The following AMPH variants were observed in gnomAD, a reference collection of about 807,000 sequenced individuals.
The protein encoded by AMPH is amphiphysin.
Under a neutral mutation model 99.1 loss-of-function variants are expected in AMPH, and 49 were observed. That is an observed-to-expected ratio of 0.49 (90% CI 0.39 to 0.63). AMPH has a LOEUF of 0.63. Among genes scored for constraint, AMPH ranks in the 20% least tolerant of loss-of-function variants. The pLI is 0.00. For synonymous variants in AMPH, 314 were observed against 317.3 expected, an observed-to-expected ratio of 0.99 and a Z score of 0.11; for missense variants, 759 against 863.4, an observed-to-expected ratio of 0.88 and a Z score of 1.52.
intron 5 of AMPH, among the ~76,000 whole-genome samples, chr7:38,477,321 A>G (rs6967094): frequency 0.049 from 7,498 of 152,180 alleles, 421 homozygotes; most frequent in East Asian, 0.29. Flanking sequence ...TAAATGTTCT[A>G]TTCTGAAGAT....
intron 2 of AMPH, among the ~76,000 whole-genome samples, chr7:38,511,580 A>G (rs1009356400): frequency 6.6e-6 from 1 of 152,216 alleles, no homozygotes; most frequent in Admixed American, 6.5e-5. Flanking sequence ...CATGAATACT[A>G]AAGGAAAAAA....
chr7:38,513,683 A>G lies in AMPH; in HGVS notation c.151-9979T>C, dbSNP rs544714071. Among the ~76,000 whole-genome samples, 4 of 152,320 alleles carry G rather than the reference A, an allele frequency of 2.6e-5. No individual in the cohort carries two copies. The East Asian group carries it at 7.7e-4, about 29-fold the overall frequency. On this transcript the variant is annotated intron_variant, in intron 2 of 20. Transcript: ENST00000356264. Reference sequence around the variant, plus strand: ...GTTCATTTCTTTCAGTGCCTTGTACAATGCCTTGAGTCAATGAAGAATCCT... The same window carrying G: ...GTTCATTTCTTTCAGTGCCTTGTACGATGCCTTGAGTCAATGAAGAATCCT...
intron 1 of AMPH, among the ~76,000 whole-genome samples, chr7:38,564,567 G>T (rs1791661907): frequency 6.6e-6 from 1 of 152,174 alleles, no homozygotes; most frequent in Admixed American, 6.5e-5. Context: ...CCACCATCAT[G>T]AACAAAGGAC....
chr7:38,534,034 C>G (rs986623936), intron 2 of AMPH, among the ~76,000 whole-genome samples: 3 of 150,216 alleles, frequency 2.0e-5, no homozygotes, highest in East Asian at 3.9e-4. Context: ...ATCTGTTTCT[C>G]AACCTCTTTT....
chr7:38,387,172 T>C (rs1339936516), intron 20 of AMPH, among the ~76,000 whole-genome samples: 1 of 152,154 alleles, frequency 6.6e-6, no homozygotes, highest in Admixed American at 6.6e-5. Flanking sequence ...TTTTCAGATA[T>C]AGAAAACAGA....
Position 38,427,074 on chromosome 7 carries a change from TAA to T in AMPH, c.1183-90_1183-89del, listed in dbSNP as rs577370817. ...AATATCCATTAGACAAGTTGGAAAG[TAA>T]AGACTATCACAAGTTTTAAAATAAT... On this transcript the variant is annotated intron_variant, in intron 14 of 20. Coordinates refer to ENST00000356264, the MANE Select transcript of AMPH (RefSeq NM_001635.4). 36 of 1,213,390 alleles carry T rather than the reference TAA, an allele frequency of 3.0e-5. No individual in the cohort carries two copies. In the East Asian group the frequency reaches 5.7e-4, roughly 19 times the overall value. 75.2% of individuals were successfully genotyped at this position (1,213,390 alleles called of 1,614,324 possible).
intron 1 of AMPH, among the ~76,000 whole-genome samples, chr7:38,554,444 G>A (rs1791291006): frequency 1.3e-5 from 2 of 152,190 alleles, no homozygotes; most frequent in Admixed American, 1.3e-4. Context: ...CCCTTAAAAT[G>A]TCTATACTTA....
chr7:38,601,238 G>A (rs1250873103), intron 1 of AMPH, among the ~76,000 whole-genome samples: 4 of 152,216 alleles, frequency 2.6e-5, no homozygotes, highest in East Asian at 1.9e-4. Context: ...GCCCTTCTTC[G>A]CTACTGCAAC....
intron 3 of AMPH, among the ~76,000 whole-genome samples, chr7:38,495,775 T>C (rs1273074461): frequency 6.6e-6 from 1 of 152,192 alleles, no homozygotes; most frequent in Non-Finnish European, 1.5e-5. Context: ...ACATTTGATA[T>C]GTTGCAAAAC....
At chr7:38,385,540 C>T (rs1784328034) in intron 20 of AMPH, among the ~76,000 whole-genome samples, 1 of 152,200 alleles carries the variant, frequency 6.6e-6, no homozygotes, top group African/African-American at 2.4e-5. Context: ...CCTTATATTA[C>T]TATTTTTGTT....
intron 12 of AMPH, among the ~76,000 whole-genome samples, chr7:38,435,083 A>T (rs1276879044): frequency 1.3e-5 from 2 of 152,236 alleles, no homozygotes; most frequent in East Asian, 3.9e-4. Flanking sequence ...TCTAATGCAC[A>T]TCATGAATCT....
rs533477500 is a variant in AMPH, at chr7:38,533,287, CT to C, written c.150+1643del. ...TCTACCTTTATTAAGCCAAAGCTCT[CT>C]GTAATATTTGTTCATTTGGCCATGA... On this transcript the variant is annotated intron_variant, in intron 2 of 20. Coordinates refer to ENST00000356264, the MANE Select transcript of AMPH (RefSeq NM_001635.4). Among the ~76,000 whole-genome samples, 401 of 152,296 alleles carry C rather than the reference CT, an allele frequency of 2.6e-3. 2 individuals carry two copies. The highest frequency in any genetic ancestry group is 4.2e-3 in the Non-Finnish European group (283 of 68,032).
chr7:38,614,584 T>C (rs1793805854), intron 1 of AMPH, among the ~76,000 whole-genome samples: 1 of 152,218 alleles, frequency 6.6e-6, no homozygotes, highest in African/African-American at 2.4e-5. Context: ...TTTCTCAGTC[T>C]GTAAGGTCAT....
chr7:38,607,793 AAT>A (rs1322880279), intron 1 of AMPH, among the ~76,000 whole-genome samples: 1 of 152,212 alleles, frequency 6.6e-6, no homozygotes, highest in Non-Finnish European at 1.5e-5. Flanking sequence ...AGGCACTGAA[AAT>A]AGGACCTGAG....
chr7:38,462,581 A>C (rs992404935), intron 10 of AMPH, among the ~76,000 whole-genome samples: 4 of 152,250 alleles, frequency 2.6e-5, no homozygotes, highest in African/African-American at 4.8e-5. Flanking sequence ...GTGAGATGAC[A>C]TATAAACATA....
intron 1 of AMPH, among the ~76,000 whole-genome samples, chr7:38,548,060 G>A (rs538935684): frequency 2.2e-5 from 3 of 137,530 alleles, no homozygotes; most frequent in South Asian, 2.3e-4. Context: ...ACAGAGTCTC[G>A]CTCTGTCGCC....
intron 11 of AMPH, among the ~76,000 whole-genome samples, chr7:38,456,233 C>G (rs764586907): frequency 3.3e-5 from 5 of 152,122 alleles, no homozygotes; most frequent in Non-Finnish European, 5.9e-5. Flanking sequence ...CACAAGGAAA[C>G]TACGTGTCCC....
chr7:38,503,854 T>C, intron 2 of AMPH, 150 bp from the exon 3 acceptor site: 1 of 766,666 alleles, frequency 1.3e-6, no homozygotes, highest in Non-Finnish European at 2.1e-6. Flanking sequence ...AAGGCAATAA[T>C]GTCCATCAGT....
intron 5 of AMPH, among the ~76,000 whole-genome samples, chr7:38,482,324 T>A (rs1300681494): frequency 1.3e-5 from 2 of 152,130 alleles, no homozygotes; most frequent in Non-Finnish European, 2.9e-5. Flanking sequence ...AAGATCTAGA[T>A]GATATTGTTT....
Sources: allele counts gnomAD v4.1 joint callset (sites outside exome capture counted in the v4.1 genomes callset), GRCh38; gene constraint gnomAD v4.1.1; transcripts MANE v1.5; gene names NCBI Gene and HGNC (gene_info 2026-07-23, HGNC 2026-07-21).